The following PCNX4 variants were observed in gnomAD, a reference collection of about 807,000 sequenced individuals.
The protein encoded by PCNX4 is pecanex 4.
A neutral mutation model predicts 107.2 loss-of-function variants in PCNX4; 103 were observed. That is an observed-to-expected ratio of 0.96 (90% CI 0.82 to 1.13). PCNX4 has a LOEUF of 1.13. Ranked by LOEUF, PCNX4 falls within the 50% of genes most tolerant of loss-of-function variation. The pLI is 0.00. For missense variants in PCNX4, 1,528 were observed against 1,379.4 expected, an observed-to-expected ratio of 1.11 and a Z score of -1.71; for synonymous variants, 541 against 481.7, an observed-to-expected ratio of 1.12 and a Z score of -1.61.
chr14:60,114,646 A>G lies in PCNX4; in HGVS notation c.690-54A>G, dbSNP rs189184818. 79 of 1,448,792 alleles carry G rather than the reference A, an allele frequency of 5.5e-5. No homozygotes were observed. The African/African-American group carries it at 9.3e-4, about 17-fold the overall frequency. The allele number at this position is 1,448,792 out of a possible 1,614,324, so 89.7% of individuals were successfully genotyped here. A position where few individuals can be genotyped will look rare whatever the true frequency, so the allele number is the denominator to read the frequency against. On this transcript the variant is annotated intron_variant, in intron 2 of 10. Transcript: ENST00000406854. ...TCTGTGTTGCTTTGCTTTTTCTTAA[A>G]AGATCCTCTTCTATATATTTCGTGT...
In PCNX4 at chr14:60,110,543, A is replaced by G. The variant is rs184250476; in HGVS notation, c.689+2216A>G. 3.6e-3 allele frequency: 606 copies of G among 167,244 alleles called. 3 individuals carry two copies. The highest frequency in any genetic ancestry group is 5.4e-3 in the Non-Finnish European group (366 of 68,144). 10.4% of individuals were successfully genotyped at this position (167,244 alleles called of 1,614,324 possible). Reference sequence around the variant, plus strand: ...GCTAGGTTTTGACTTCCTTGGGATCATCACCCTTTTTTTCCTGTTTCTCCT... The same window carrying G: ...GCTAGGTTTTGACTTCCTTGGGATCGTCACCCTTTTTTTCCTGTTTCTCCT... On this transcript the variant is annotated intron_variant, in intron 2 of 10. Coordinates refer to ENST00000406854, the MANE Select transcript of PCNX4 (RefSeq NM_001330177.2).
At chr14:60,103,858 T>C (rs186803682) in intron 1 of PCNX4, among the ~76,000 whole-genome samples, 2 of 152,336 alleles carry the variant, frequency 1.3e-5, no homozygotes, top group Admixed American at 6.5e-5. Flanking sequence ...TGTGTTGCTT[T>C]GTGATATATT....
chr14:60,112,612 A>G (rs1895759982), intron 2 of PCNX4, among the ~76,000 whole-genome samples: 1 of 152,178 alleles, frequency 6.6e-6, no homozygotes, highest in South Asian at 2.1e-4. Context: ...TTAGGGGTAG[A>G]ATCTAGTTTT....
rs1056210112 is a variant in PCNX4, at chr14:60,141,184, A to T, written c.*6963A>T. On this transcript the variant is annotated 3_prime_UTR_variant, in exon 11 of 11. Transcript: ENST00000406854. ...CCCAGGGAATACCTAGGAAGATAGC[A>T]TATTAGAAATGAGGAAAGGTCTCAG... 2 of 152,262 alleles carry T rather than the reference A, an allele frequency of 1.3e-5. No homozygotes were observed. The highest frequency in any genetic ancestry group is 3.8e-4 in the East Asian group (2 of 5,198). 9.4% of individuals were successfully genotyped at this position (152,262 alleles called of 1,614,324 possible).
In PCNX4 at chr14:60,145,733, TA is replaced by T. The variant is rs1044725380; in HGVS notation, c.*11516del. On this transcript the variant is annotated 3_prime_UTR_variant, in exon 11 of 11. Transcript: ENST00000406854. This position sits in a 1 kb window ranked among gnomAD's most constrained non-coding sequence, Gnocchi z 4.0. ...AACTTTTTGTATATTGCTTAAGGAA[TA>T]AAACAAGGCAACCTGATAATCCCCA... 2.6e-5 allele frequency: 4 copies of T among 152,082 alleles called. No homozygotes were observed. The highest frequency in any genetic ancestry group is 9.7e-5 in the African/African-American group (4 of 41,418). 9.4% of individuals were successfully genotyped at this position (152,082 alleles called of 1,614,324 possible).
intron 10 of PCNX4, among the ~76,000 whole-genome samples, chr14:60,129,028 C>G (rs1041520510): frequency 6.6e-6 from 1 of 151,372 alleles, no homozygotes; most frequent in African/African-American, 2.4e-5. Flanking sequence ...GCCTGGCCAA[C>G]ATGGTGAAAC....
intron 1 of PCNX4, among the ~76,000 whole-genome samples, chr14:60,100,268 C>G (rs914593345): frequency 6.6e-6 from 1 of 151,826 alleles, no homozygotes; most frequent in Non-Finnish European, 1.5e-5. Flanking sequence ...ACACACACGC[C>G]CCCAAACATA....
intron 8 of PCNX4, 103 bp downstream of exon 8, chr14:60,121,402 T>A (rs897455119): frequency 8.2e-7 from 1 of 1,226,962 alleles, no homozygotes; most frequent in Non-Finnish European, 1.1e-6. Flanking sequence ...AGAATATCTT[T>A]TCAATTACCT....
intron 7 of PCNX4, among the ~76,000 whole-genome samples, chr14:60,118,899 TACTC>T (rs1484460468): frequency 6.6e-6 from 1 of 152,186 alleles, no homozygotes; most frequent in African/African-American, 2.4e-5. Context: ...AAAATAAAAA[TACTC>T]AGGGAAATTT....
Position 60,123,102 on chromosome 14 carries a change from A to C in PCNX4, c.2047-1116A>C, listed in dbSNP as rs371609206. Among the ~76,000 whole-genome samples, 31 of 152,246 alleles carry C rather than the reference A, an allele frequency of 2.0e-4. No homozygotes were observed. The East Asian group carries it at 3.1e-3, about 15-fold the overall frequency. ...TCTGCTCTAGTCTAACCCATACCAGAAGACAAAAAATATTGAGGACATTTT... is the reference window on the plus strand; with the variant it reads ...TCTGCTCTAGTCTAACCCATACCAGCAGACAAAAAATATTGAGGACATTTT... On this transcript the variant is annotated intron_variant, in intron 8 of 10. Coordinates refer to ENST00000406854, the MANE Select transcript of PCNX4 (RefSeq NM_001330177.2).
Position 60,134,465 on chromosome 14 carries a change from G to C in PCNX4, c.*244G>C. 2.4e-6 allele frequency: 1 copy of C among 420,360 alleles called. No individual in the cohort carries two copies. The highest frequency in any genetic ancestry group is 2.0e-5 in the African/African-American group (1 of 49,482). 26.0% of individuals were successfully genotyped at this position (420,360 alleles called of 1,614,324 possible). On this transcript the variant is annotated 3_prime_UTR_variant, in exon 11 of 11. Coordinates refer to ENST00000406854, the MANE Select transcript of PCNX4 (RefSeq NM_001330177.2). ...ATTTGTGCCCTCTGGACTTTAGTAG[G>C]CTTTGGTAAATGTGAGAAAACTTTT... is the stretch of plus-strand genomic sequence containing the variant.
intron 10 of PCNX4, 133 bp downstream of exon 10, chr14:60,125,956 T>C (rs1319374336): frequency 1.1e-5 from 7 of 652,572 alleles, no homozygotes; most frequent in Non-Finnish European, 1.6e-5. Flanking sequence ...TTAAGGCATT[T>C]GTAATCATGA....
Position 60,145,196 on chromosome 14 carries a change from A to C in PCNX4, c.*10975A>C, listed in dbSNP as rs112165989. The C allele has an allele frequency of 3.9e-5, 18 of 464,484 alleles. No individual in the cohort carries two copies. The highest frequency in any genetic ancestry group is 2.9e-4 in the African/African-American group (14 of 49,036). The allele number at this position is 464,484 out of a possible 1,614,324, so 28.8% of individuals were successfully genotyped here. On this transcript the variant is annotated 3_prime_UTR_variant, in exon 11 of 11. Coordinates refer to ENST00000406854, the MANE Select transcript of PCNX4 (RefSeq NM_001330177.2). This position sits in a 1 kb window ranked among gnomAD's most constrained non-coding sequence, Gnocchi z 4.0. ...CATAGCCAAAATTCTAGATGTACAC[A>C]AAAGTACTTCTAATGAGTTTAGCAT...
At chr14:60,123,978 C>T (rs1445945620) in intron 8 of PCNX4, among the ~76,000 whole-genome samples, 1 of 151,950 alleles carries the variant, frequency 6.6e-6, no homozygotes, top group East Asian at 1.9e-4. Context: ...TGCTCAATTT[C>T]TAGTAGAATT....
chr14:60,129,286 C>T (rs527398417), intron 10 of PCNX4, among the ~76,000 whole-genome samples: 2 of 145,668 alleles, frequency 1.4e-5, no homozygotes, highest in Middle Eastern at 4.4e-3. Context: ...GGCATGGTAA[C>T]TTATGACTGT....
chr14:60,103,983 G>A (rs1049523085), intron 1 of PCNX4, among the ~76,000 whole-genome samples: 1 of 152,150 alleles, frequency 6.6e-6, no homozygotes, highest in Non-Finnish European at 1.5e-5. Context: ...CAGTTTATGG[G>A]CTTACTGTTT....
Position 60,092,046 on chromosome 14 carries a change from G to A in PCNX4, c.-427G>A, listed in dbSNP as rs1005067630. The stretch of plus-strand genomic sequence containing the variant: ...CGTCGTCCCCGGCCAGGCAGATGTT[G>A]GCCTAGTCCTGGCGCGAACGAAGCG... On this transcript the variant is annotated 5_prime_UTR_variant, in exon 1 of 11. Coordinates refer to ENST00000406854, the MANE Select transcript of PCNX4 (RefSeq NM_001330177.2). 6.6e-6 allele frequency: 1 copy of A among 152,410 alleles called. No individual in the cohort carries two copies. Among genetic ancestry groups the A allele is most frequent in the African/African-American group, 2.4e-5 (1 of 41,480 alleles). 9.4% of individuals were successfully genotyped at this position (152,410 alleles called of 1,614,324 possible).
In PCNX4 at chr14:60,129,240, C is replaced by CA. The variant is rs58442688; in HGVS notation, c.3267+3430dup. Among the ~76,000 whole-genome samples the CA allele has an allele frequency of 1.1e-3, 131 of 123,850 alleles. 1 individual carries two copies. Among genetic ancestry groups the CA allele is most frequent in the Admixed American group, 2.4e-3 (28 of 11,712 alleles). 81.3% of individuals were successfully genotyped at this position (123,850 alleles called of 152,430 possible). A position where few individuals can be genotyped will look rare whatever the true frequency, so the allele number is the denominator to read the frequency against. ...GGGCAACAAGAGCGAGACTCCATCT[C>CA]AAAAAAAAAAAAAGAAGGATAACAT... is the stretch of plus-strand genomic sequence containing the variant. On this transcript the variant is annotated intron_variant, in intron 10 of 10. Transcript: ENST00000406854.
Position 60,114,885 on chromosome 14 carries a change from T to C in PCNX4, c.869+6T>C, listed in dbSNP as rs534847284. On this transcript the variant is annotated splice_donor_region_variant and intron_variant, in intron 3 of 10. Coordinates refer to ENST00000406854, the MANE Select transcript of PCNX4 (RefSeq NM_001330177.2). ...TCTATGTCAACCCACTTACGGTATT[T>C]ATTTTTAAATATTGATGTTATATGT... 2 of 1,590,004 alleles carry C rather than the reference T, an allele frequency of 1.3e-6. No individual in the cohort carries two copies. The highest frequency in any genetic ancestry group is 4.5e-5 in the East Asian group (2 of 44,702).
Sources: allele counts gnomAD v4.1 joint callset (sites outside exome capture counted in the v4.1 genomes callset), GRCh38; gene constraint gnomAD v4.1.1; non-coding constraint Gnocchi (gnomAD v3.1); transcripts MANE v1.5; gene names NCBI Gene and HGNC (gene_info 2026-07-23, HGNC 2026-07-21).